Variants in CNNM2 observed in about 807,000 individuals in gnomAD.
CNNM2 encodes cyclin and CBS domain divalent metal cation transport mediator 2, also known as metal transporter CNNM2.
CNNM2 carries 12 observed loss-of-function variants against 66.9 expected under a neutral mutation model. That is an observed-to-expected ratio of 0.18 (90% CI 0.11 to 0.29). CNNM2 has a LOEUF of 0.29. Among genes scored for constraint, CNNM2 ranks in the 10% least tolerant of loss-of-function variants. The pLI is 1.00. For missense variants in CNNM2, 705 were observed against 1,167.7 expected, an observed-to-expected ratio of 0.60 and a Z score of 5.77; for synonymous variants, 557 against 501.8, an observed-to-expected ratio of 1.11 and a Z score of -1.47.
rs771283741 is a variant in CNNM2 at position 103,076,957 on chromosome 10, T to C, written c.2419-14T>C. The stretch of plus-strand genomic sequence containing the variant: ...TTATCTTGGTTTGTTTTCTGTGCCA[T>C]CTTCTGGCCCCAGATCTCAAGACAG... On this transcript the variant is annotated splice_polypyrimidine_tract_variant and intron_variant, in intron 7 of 7. Transcript: ENST00000369878. 1 of 1,612,500 alleles carries C rather than the reference T, an allele frequency of 6.2e-7. No homozygotes were observed. The highest frequency in any genetic ancestry group is 8.5e-7 in the Non-Finnish European group (1 of 1,179,122).
intron 1 of CNNM2, among the ~76,000 whole-genome samples, chr10:102,981,590 G>A (rs183772170): frequency 2.6e-5 from 4 of 151,280 alleles, no homozygotes; most frequent in East Asian, 3.9e-4. Flanking sequence ...GTCAAGGTTC[G>A]CCATGTTGCC....
chr10:103,069,080 G>A (rs1326430708), intron 5 of CNNM2, among the ~76,000 whole-genome samples: 1 of 152,112 alleles, frequency 6.6e-6, no homozygotes, highest in African/African-American at 2.4e-5. Context: ...GAGACACTGT[G>A]TGTGTTACAC....
intron 1 of CNNM2, among the ~76,000 whole-genome samples, chr10:102,993,938 T>C (rs1402232531): frequency 1.3e-5 from 2 of 151,898 alleles, no homozygotes; most frequent in Non-Finnish European, 2.9e-5. Context: ...AAATCTTTTT[T>C]CTGTGTGTGT....
At chr10:103,039,227 T>A (rs1369426253) in intron 1 of CNNM2, among the ~76,000 whole-genome samples, 1 of 152,128 alleles carries the variant, frequency 6.6e-6, no homozygotes, top group Non-Finnish European at 1.5e-5. Flanking sequence ...CATTGCAGCC[T>A]CTACCTCCCA....
chr10:103,037,118 AT>A (rs1352436836), intron 1 of CNNM2, among the ~76,000 whole-genome samples: 1 of 152,088 alleles, frequency 6.6e-6, no homozygotes, highest in Non-Finnish European at 1.5e-5. Context: ...TTAAAATAAA[AT>A]GTTCCATTTT....
chr10:102,922,150 T>C (rs1275422038), intron 1 of CNNM2, among the ~76,000 whole-genome samples: 1 of 152,244 alleles, frequency 6.6e-6, no homozygotes, highest in Non-Finnish European at 1.5e-5. Context: ...ATGATGTATT[T>C]GGTTAAGAAG....
intron 1 of CNNM2, among the ~76,000 whole-genome samples, chr10:102,964,849 ATAG>A (rs1301260888): frequency 6.6e-6 from 1 of 152,156 alleles, no homozygotes; most frequent in Non-Finnish European, 1.5e-5. Context: ...GGCTAACGTG[ATAG>A]TGTTAAGCGA....
Position 103,083,696 on chromosome 10 carries a change from T to A in CNNM2, c.*6516T>A, listed in dbSNP as rs1351174482. On this transcript the variant is annotated 3_prime_UTR_variant, in exon 8 of 8. Transcript: ENST00000369878. The stretch of plus-strand genomic sequence containing the variant: ...TCAGTTACTCTCTACATAAGAACAT[T>A]CGGAGTATCCAGTCAAATTGCCCCA... 4 of 152,226 alleles carry A rather than the reference T, an allele frequency of 2.6e-5. No homozygotes were observed. The East Asian group carries it at 7.7e-4, about 29-fold the overall frequency. The allele number at this position is 152,226 out of a possible 1,614,324, so 9.4% of individuals were successfully genotyped here.
chr10:102,992,273 C>CTTTTTTGTTTTTTTTT (rs2063911914), intron 1 of CNNM2, among the ~76,000 whole-genome samples: 1 of 108,496 alleles, frequency 9.2e-6, no homozygotes, highest in African/African-American at 3.4e-5. Context: ...CTCCAAGTTC[C>CTTTTTTGTTTTTTTTT]TTTTTTTTTT....
At chr10:103,076,850 C>T (rs2065700683) in intron 7 of CNNM2, 121 bp from the exon 8 acceptor site, 8 of 873,544 alleles carry the variant, frequency 9.2e-6, no homozygotes, top group South Asian at 6.1e-5. Flanking sequence ...TCACTGCGCT[C>T]AAGTGTGATT....
At chr10:102,985,025 T>C (rs1250185422) in intron 1 of CNNM2, among the ~76,000 whole-genome samples, 1 of 152,188 alleles carries the variant, frequency 6.6e-6, no homozygotes, top group African/African-American at 2.4e-5. Flanking sequence ...CACTTGATCT[T>C]AGCCAAAAGG....
chr10:103,006,157 C>A (rs2064221917), intron 1 of CNNM2, among the ~76,000 whole-genome samples: 1 of 151,848 alleles, frequency 6.6e-6, no homozygotes, highest in Non-Finnish European at 1.5e-5. Context: ...AGGGGGAAAG[C>A]TTTCAGTATT....
In CNNM2 at chr10:102,981,565, AT is replaced by A. The variant is rs113676047; in HGVS notation, c.1621+61476del. ...GCCACCACACCCGGCTAACTTTGGT[AT>A]TTTTTTTTTTTAAGTCAAGGTTCGC... On this transcript the variant is annotated intron_variant, in intron 1 of 7. Coordinates refer to ENST00000369878, the MANE Select transcript of CNNM2 (RefSeq NM_017649.5). Among the ~76,000 whole-genome samples, 313 of 142,666 alleles carry A rather than the reference AT, an allele frequency of 2.2e-3. No individual in the cohort carries two copies. Among genetic ancestry groups the A allele is most frequent in the Non-Finnish European group, 2.2e-3 (140 of 64,796 alleles). The allele number at this position is 142,666 out of a possible 152,430, so 93.6% of individuals were successfully genotyped here.
rs757254202 is a variant in CNNM2, at chr10:103,076,160, G to A, written c.2308G>A (p.Ala770Thr). The change falls in exon 7 of 8, where the codon GCC becomes ACC. Residue 770 changes from alanine (A) to threonine (T), a missense_variant. Physicochemically the swap from Ala to Thr is moderately conservative, Grantham distance 58 (BLOSUM62 0). This residue lies in a region of CNNM2 where 194 missense variants were observed against 227.6 expected (regional missense o/e 0.85). Transcript: ENST00000369878. ...TCTCAGTCGAAGCGACCGGATTGACGCCGTCACACCAACACTGGGGAGCAG... is the reference window on the plus strand; with the variant it reads ...TCTCAGTCGAAGCGACCGGATTGACACCGTCACACCAACACTGGGGAGCAG... ...DSLSRSDRIDAVTPTLGSSNN... is the reference protein window; with the variant it reads ...DSLSRSDRIDTVTPTLGSSNN... 1.2e-5 allele frequency: 19 copies of A among 1,607,924 alleles called. No homozygotes were observed. Among genetic ancestry groups the A allele is most frequent in the Non-Finnish European group, 1.3e-5 (15 of 1,177,258 alleles).
At position 102,949,904 on chromosome 10, in the gene CNNM2, G is replaced by A. The variant is rs1371641783; in HGVS notation, c.1621+29803G>A. Among the ~76,000 whole-genome samples the A allele has an allele frequency of 2.0e-5, 3 of 152,164 alleles. No individual in the cohort carries two copies. In the South Asian group the frequency reaches 6.2e-4, roughly 32 times the overall value. On this transcript the variant is annotated intron_variant, in intron 1 of 7. Coordinates refer to ENST00000369878, the MANE Select transcript of CNNM2 (RefSeq NM_017649.5). ...TATTGGGTTGTGAATAAGCTTATCA[G>A]TAAAGTCACAGTTTACCAATCTGTT...
chr10:103,076,045 C>G (rs1021451615), intron 6 of CNNM2, 41 bp from the exon 7 acceptor site: 1 of 1,544,544 alleles, frequency 6.5e-7, no homozygotes, highest in African/African-American at 1.4e-5. Flanking sequence ...TTGGCTGTAT[C>G]TACTTCACTT....
intron 1 of CNNM2, among the ~76,000 whole-genome samples, chr10:102,968,910 CTTTT>C (rs767809554): frequency 3.0e-5 from 3 of 99,704 alleles, no homozygotes; most frequent in African/African-American, 3.9e-5. Context: ...CCAGTGCTGT[CTTTT>C]TTTTTTTTTT....
rs10786736 is a variant in CNNM2 at position 103,089,359 on chromosome 10, G to C, written c.*12179G>C. 0.11 allele frequency: 31,523 copies of C among 277,202 alleles called. 2,299 individuals carry two copies. The highest frequency in any genetic ancestry group is 0.26 in the East Asian group (4,673 of 17,826). The allele number at this position is 277,202 out of a possible 1,614,324, so 17.2% of individuals were successfully genotyped here. A position where few individuals can be genotyped will look rare whatever the true frequency, so the allele number is the denominator to read the frequency against. ...CTCTTTCCTTTTCCTCGTGTATCCA[G>C]ATACACTGACATACGGATGATTTTA... is the stretch of plus-strand genomic sequence containing the variant. On this transcript the variant is annotated 3_prime_UTR_variant, in exon 8 of 8. Transcript: ENST00000369878.
At chr10:103,063,903 C>T (rs1308801182) in intron 4 of CNNM2, among the ~76,000 whole-genome samples, 1 of 152,184 alleles carries the variant, frequency 6.6e-6, no homozygotes, top group Non-Finnish European at 1.5e-5. Flanking sequence ...CCAGGTAAGC[C>T]ATCTCCTCCT....
Sources: allele counts gnomAD v4.1 joint callset (sites outside exome capture counted in the v4.1 genomes callset), GRCh38; gene constraint gnomAD v4.1.1; regional missense constraint gnomAD v4.1.1; transcripts MANE v1.5; gene names NCBI Gene and HGNC (gene_info 2026-07-23, HGNC 2026-07-21).